Variants in KCNK13 observed in about 807,000 individuals in gnomAD.
The protein encoded by KCNK13 is potassium channel subfamily K member 13.
Under a neutral mutation model 23.4 loss-of-function variants are expected in KCNK13, and 12 were observed. The ratio of observed to expected loss-of-function variants is 0.51; its 90% CI spans 0.33 to 0.83. The LOEUF is 0.83. Among genes scored for constraint, KCNK13 ranks in the 40% least tolerant of loss-of-function variants. The pLI is 0.02. For synonymous variants in KCNK13, 231 were observed against 229.5 expected, an observed-to-expected ratio of 1.01 and a Z score of -0.06; for missense variants, 463 against 556.3, an observed-to-expected ratio of 0.83 and a Z score of 1.69.
intron 1 of KCNK13, among the ~76,000 whole-genome samples, chr14:90,092,731 TA>T (rs1480293817): frequency 6.6e-6 from 1 of 151,870 alleles, no homozygotes; most frequent in Non-Finnish European, 1.5e-5. Context: ...CTGGGCAACA[TA>T]GCAAGATCCC....
intron 1 of KCNK13, among the ~76,000 whole-genome samples, chr14:90,094,614 GT>G (rs1196971150): frequency 1.3e-5 from 2 of 150,146 alleles, no homozygotes; most frequent in African/African-American, 4.9e-5. Context: ...GAGGATGATG[GT>G]CTTCATTATC....
rs760816387 is a variant in KCNK13 at position 90,062,574 on chromosome 14, G to T, written c.334+35G>T. 3.5e-6 allele frequency: 5 copies of T among 1,419,832 alleles called. No homozygotes were observed. In the South Asian group the frequency reaches 7.6e-5, roughly 22 times the overall value. The allele number at this position is 1,419,832 out of a possible 1,614,324, so 88.0% of individuals were successfully genotyped here. ...CTGGCCGGACTCGCTGACAACCTCCGGGCGGCCTCCACTTCCTCCGGGGGG... is the reference window on the plus strand; with the variant it reads ...CTGGCCGGACTCGCTGACAACCTCCTGGCGGCCTCCACTTCCTCCGGGGGG... On this transcript the variant is annotated intron_variant, in intron 1 of 1. Transcript: ENST00000282146. This position sits in a 1 kb window ranked among gnomAD's most constrained non-coding sequence, Gnocchi z 4.5.
intron 1 of KCNK13, among the ~76,000 whole-genome samples, chr14:90,165,934 A>G (rs1890297437): frequency 1.3e-5 from 2 of 152,142 alleles, no homozygotes; most frequent in South Asian, 2.1e-4. Context: ...AAGCTGATGC[A>G]CTCTGATTCC....
At chr14:90,087,152 A>ATTT (rs1241730961) in intron 1 of KCNK13, among the ~76,000 whole-genome samples, 6 of 93,572 alleles carry the variant, frequency 6.4e-5, no homozygotes, top group Admixed American at 1.1e-4. Flanking sequence ...ATATATATAT[A>ATTT]TATTTTTTTT....
chr14:90,154,992 C>A (rs568491156), intron 1 of KCNK13, among the ~76,000 whole-genome samples: 2 of 152,268 alleles, frequency 1.3e-5, no homozygotes, highest in East Asian at 3.9e-4. Context: ...GTGAACAAGA[C>A]AGACAAAAAT....
intron 1 of KCNK13, among the ~76,000 whole-genome samples, chr14:90,089,634 G>A (rs1420412044): frequency 6.6e-6 from 1 of 152,182 alleles, no homozygotes; most frequent in Non-Finnish European, 1.5e-5. Flanking sequence ...AAGACAATGG[G>A]GAAAATATCT....
intron 1 of KCNK13, among the ~76,000 whole-genome samples, chr14:90,119,326 C>T (rs924149644): frequency 2.0e-4 from 30 of 152,060 alleles, no homozygotes; most frequent in Admixed American, 1.8e-3. Flanking sequence ...CAAAACCTGG[C>T]AGAGATGCAA....
At chr14:90,090,225 A>G (rs1336569966) in intron 1 of KCNK13, among the ~76,000 whole-genome samples, 3 of 152,262 alleles carry the variant, frequency 2.0e-5, no homozygotes, top group African/African-American at 7.2e-5. Context: ...CTGCAAAGCC[A>G]CAGGGGCAGA....
intron 1 of KCNK13, among the ~76,000 whole-genome samples, chr14:90,110,174 T>C (rs1435029520): frequency 6.6e-6 from 1 of 152,148 alleles, no homozygotes; most frequent in Non-Finnish European, 1.5e-5. Context: ...AGAGGTGTGC[T>C]ACTACAGCTT....
At chr14:90,174,115 G>A (rs539812163) in intron 1 of KCNK13, among the ~76,000 whole-genome samples, 1 of 152,020 alleles carries the variant, frequency 6.6e-6, no homozygotes, top group Admixed American at 6.6e-5. Context: ...GACCATCCTG[G>A]CTAACATGGT....
At chr14:90,144,903 CA>C (rs1250706542) in intron 1 of KCNK13, among the ~76,000 whole-genome samples, 3 of 152,132 alleles carry the variant, frequency 2.0e-5, no homozygotes, top group Non-Finnish European at 2.9e-5. Context: ...TGTCTCTCAT[CA>C]TTAAATATAA....
chr14:90,079,378 G>A (rs117706782), intron 1 of KCNK13, among the ~76,000 whole-genome samples: 10 of 151,786 alleles, frequency 6.6e-5, no homozygotes, highest in Non-Finnish European at 1.5e-4. Context: ...AAAGTCAAAT[G>A]AGGTTATTTT....
intron 1 of KCNK13, among the ~76,000 whole-genome samples, chr14:90,147,565 T>A (rs1222604241): frequency 6.6e-6 from 1 of 152,210 alleles, no homozygotes; most frequent in Admixed American, 6.5e-5. Context: ...TTGCCTTTTT[T>A]AATGTATAAG....
intron 1 of KCNK13, among the ~76,000 whole-genome samples, chr14:90,103,609 C>T (rs1446367935): frequency 6.6e-6 from 1 of 152,180 alleles, no homozygotes; most frequent in African/African-American, 2.4e-5. Flanking sequence ...CTCTTGTCAG[C>T]TGTAATGCAA....
chr14:90,117,591 CA>C (rs960331680), intron 1 of KCNK13, among the ~76,000 whole-genome samples: 47 of 147,990 alleles, frequency 3.2e-4, no homozygotes, highest in African/African-American at 1.1e-3. Flanking sequence ...GACTCTGTCT[CA>C]AAAAAAAAAT....
At chr14:90,092,078 C>T (rs1023624644) in intron 1 of KCNK13, among the ~76,000 whole-genome samples, 5 of 151,994 alleles carry the variant, frequency 3.3e-5, no homozygotes, top group Non-Finnish European at 5.9e-5. Flanking sequence ...CCCGCCACCA[C>T]ACCTGGCTAA....
chr14:90,176,349 C>T (rs1890421757), intron 1 of KCNK13, among the ~76,000 whole-genome samples: 1 of 152,110 alleles, frequency 6.6e-6, no homozygotes, highest in African/African-American at 2.4e-5. Context: ...CACATAAATA[C>T]AATGGGCCCA....
rs1194343084 is a variant in KCNK13, at chr14:90,184,626, A to C, written c.850A>C (p.Lys284Gln). 1 of 1,614,190 alleles carries C rather than the reference A, an allele frequency of 6.2e-7. No homozygotes were observed. The highest frequency in any genetic ancestry group is 8.5e-7 in the Non-Finnish European group (1 of 1,180,034). ...SLFNVISILI[K>Q]QSLNWILRKM... The stretch of plus-strand genomic sequence containing the variant: ...GTTCAATGTCATCTCTATCCTCATC[A>C]AACAGTCCTTGAACTGGATCCTGAG... The change falls in exon 2 of 2, where the codon AAA becomes CAA. Residue 284 changes from lysine (K) to glutamine (Q), a missense_variant. Lys to Gln is a moderately conservative substitution (Grantham distance 53, BLOSUM62 1). This residue lies in a region of KCNK13 where 166 missense variants were observed against 178.8 expected (regional missense o/e 0.93). Transcript: ENST00000282146. The surrounding 1 kb of genome is among the most constrained non-coding windows in gnomAD (Gnocchi z 5.6).
At chr14:90,101,028 C>T (rs1201630123) in intron 1 of KCNK13, among the ~76,000 whole-genome samples, 1 of 152,126 alleles carries the variant, frequency 6.6e-6, no homozygotes, top group African/African-American at 2.4e-5. Context: ...GATGCTTCCA[C>T]GTGCTTTGCA....
Sources: allele counts gnomAD v4.1 joint callset (sites outside exome capture counted in the v4.1 genomes callset), GRCh38; gene constraint gnomAD v4.1.1; regional missense constraint gnomAD v4.1.1; non-coding constraint Gnocchi (gnomAD v3.1); transcripts MANE v1.5; gene names NCBI Gene and HGNC (gene_info 2026-07-23, HGNC 2026-07-21).